GDF7: variants seen among roughly 807,000 people sequenced by gnomAD.
GDF7 encodes the protein growth differentiation factor 7, also known as growth/differentiation factor 7.
In GDF7, 12 loss-of-function variants were observed where a neutral mutation model predicts 13.4. The observed-to-expected ratio is 0.90, with a 90% CI of 0.57 to 1.45. The LOEUF (loss-of-function observed/expected upper bound fraction) is 1.45. GDF7 is among the 40% of genes most tolerant of loss of function. GDF7 has a pLI of 0.00. For missense variants in GDF7, 651 were observed against 652.4 expected (o/e 1.00, Z 0.02); for synonymous variants, 330 against 306.4 (o/e 1.08, Z -0.80).
Position 20,670,923 on chromosome 2 carries a change from T to C in GDF7, c.851T>C (p.Ile284Thr). The C allele has an allele frequency of 1.3e-6, 2 of 1,571,782 alleles. No homozygotes were observed. Among genetic ancestry groups the C allele is most frequent in the Non-Finnish European group, 8.6e-7 (1 of 1,167,704 alleles). ...TQRKESLFRE[I>T]RAQARALGAA... ...AGGAAAGAGAGCTTATTCCGGGAGA[T>C]CCGCGCCCAGGCCCGCGCGCTCGGG... is the stretch of plus-strand genomic sequence containing the variant. The change falls in exon 2 of 2, where the codon ATC becomes ACC. Residue 284 changes from isoleucine to threonine, a missense_variant. Around this residue, in one of 4 missense-constraint regions of GDF7, gnomAD observed 487 missense variants for 445.9 expected, o/e 1.09. Transcript: ENST00000272224.
In GDF7 at chr2:20,667,571, C is replaced by T. The variant is rs1695989097; in HGVS notation, c.332C>T (p.Ser111Phe). 6.6e-7 allele frequency: 1 copy of T among 1,507,034 alleles called. No homozygotes were observed. The highest frequency in any genetic ancestry group is 8.8e-7 in the Non-Finnish European group (1 of 1,134,940). The allele number at this position is 1,507,034 out of a possible 1,614,324, so 93.4% of individuals were successfully genotyped here. ...GRAPAGAAAV[S>F]ASGHGRADTI... The stretch of plus-strand genomic sequence containing the variant: ...GCTCCGGCCGGGGCAGCCGCTGTCT[C>T]CGCCTCGGGCCATGGTCGCGCGGAC... The change falls in exon 1 of 2, where the codon TCC becomes TTC. Residue 111 changes from serine to phenylalanine, a missense_variant. Ser to Phe is a radical substitution (Grantham distance 155). Transcript: ENST00000272224. This position sits in a 1 kb window ranked among gnomAD's most constrained non-coding sequence, Gnocchi z 6.4.
Position 20,670,598 on chromosome 2 carries a change from TCTC to T in GDF7, c.528_530del (p.Pro178del). On this transcript the variant is annotated inframe_deletion, in exon 2 of 2. Coordinates refer to ENST00000272224, the MANE Select transcript of GDF7 (RefSeq NM_182828.4). Reference sequence around the variant, plus strand: ...AGAGTCGGGCCCAGGCAGCTGGACTTCTCCGCCGTTGCTGCTGCTGTCCACGTG... The same window carrying T: ...AGAGTCGGGCCCAGGCAGCTGGACTTCGCCGTTGCTGCTGCTGTCCACGTG... 1.3e-6 allele frequency: 2 copies of T among 1,595,398 alleles called. No homozygotes were observed. The highest frequency in any genetic ancestry group is 8.5e-7 in the Non-Finnish European group (1 of 1,173,070).
Position 20,667,183 on chromosome 2 carries a change from G to A in GDF7, c.-57G>A. 1.8e-6 allele frequency: 2 copies of A among 1,106,766 alleles called. No individual in the cohort carries two copies. Among genetic ancestry groups the A allele is most frequent in the Non-Finnish European group, 2.2e-6 (2 of 907,872 alleles). 68.6% of individuals were successfully genotyped at this position (1,106,766 alleles called of 1,614,324 possible). On this transcript the variant is annotated 5_prime_UTR_variant, in exon 1 of 2. Coordinates refer to ENST00000272224, the MANE Select transcript of GDF7 (RefSeq NM_182828.4). This position sits in a 1 kb window ranked among gnomAD's most constrained non-coding sequence, Gnocchi z 6.4. ...TAAACACTATGTTCAAAAGGCGCCGGGGGACTTCCCGGAGCCACGGAGCCC... is the reference window on the plus strand; with the variant it reads ...TAAACACTATGTTCAAAAGGCGCCGAGGGACTTCCCGGAGCCACGGAGCCC...
rs1299598576 is a variant in GDF7 at position 20,674,128 on chromosome 2, C to T, written c.*2703C>T. On this transcript the variant is annotated 3_prime_UTR_variant, in exon 2 of 2. Transcript: ENST00000272224. ...GTTCTGCCAGCACAGTTGGTAGTAG[C>T]ACCCTGAGCTCTCTGTCTTCTAGGT... The T allele has an allele frequency of 6.6e-6, 1 of 152,220 alleles. No homozygotes were observed. Among genetic ancestry groups the T allele is most frequent in the Non-Finnish European group, 1.5e-5 (1 of 68,036 alleles). The allele number at this position is 152,220 out of a possible 1,614,324, so 9.4% of individuals were successfully genotyped here.
chr2:20,668,658 C>T lies in GDF7; in HGVS notation c.391+1028C>T, dbSNP rs540225324. Among the ~76,000 whole-genome samples the T allele has an allele frequency of 1.1e-4, 16 of 152,318 alleles. No homozygotes were observed. The East Asian group carries it at 2.5e-3, about 24-fold the overall frequency. Reference sequence around the variant, plus strand: ...TTGGGAGCCACTGACAGTCAGCATACCTCAGGTCCTAGCCTGGGAAGGCAG... The same window carrying T: ...TTGGGAGCCACTGACAGTCAGCATATCTCAGGTCCTAGCCTGGGAAGGCAG... On this transcript the variant is annotated intron_variant, in intron 1 of 1. Transcript: ENST00000272224.
rs916157735 is a variant in GDF7, at chr2:20,670,749, C to A, written c.677C>A (p.Pro226His). Residue 226 changes from proline to histidine, a missense_variant, in exon 2 of 2, where the codon CCC (proline) becomes CAC (histidine). Pro to His is a moderately conservative substitution (Grantham distance 77). Transcript: ENST00000272224. ...AMRRHRREPR[P>H]PRAFCLLLRA... Reference sequence around the variant, plus strand: ...AGGCGCCACCGTCGTGAACCGCGCCCCCCCCGCGCGTTCTGCCTCTTGCTG... The same window carrying A: ...AGGCGCCACCGTCGTGAACCGCGCCACCCCCGCGCGTTCTGCCTCTTGCTG... The A allele has an allele frequency of 1.3e-6, 2 of 1,484,378 alleles. No individual in the cohort carries two copies. The highest frequency in any genetic ancestry group is 1.8e-6 in the Non-Finnish European group (2 of 1,123,262). 92.0% of individuals were successfully genotyped at this position (1,484,378 alleles called of 1,614,324 possible). A position where few individuals can be genotyped will look rare whatever the true frequency, so the allele number is the denominator to read the frequency against.
At position 20,674,753 on chromosome 2, in the gene GDF7, G is replaced by A. The variant is rs1388629165; in HGVS notation, c.*3328G>A. 6.6e-6 allele frequency: 1 copy of A among 152,214 alleles called. No individual in the cohort carries two copies. The highest frequency in any genetic ancestry group is 1.9e-4 in the East Asian group (1 of 5,194). 9.4% of individuals were successfully genotyped at this position (152,214 alleles called of 1,614,324 possible). A position where few individuals can be genotyped will look rare whatever the true frequency, so the allele number is the denominator to read the frequency against. ...TACCCTCCTGGCAACGATATGAGGT[G>A]TGGATTGTGTGATAGAAGAATCCAG... is the stretch of plus-strand genomic sequence containing the variant. On this transcript the variant is annotated 3_prime_UTR_variant, in exon 2 of 2. Transcript: ENST00000272224.
rs777582806 is a variant in GDF7, at chr2:20,670,945, C to A, written c.873C>A (p.Leu291=). Residue 291 remains leucine, a synonymous_variant, in exon 2 of 2, where the codon CTC becomes CTA. Transcript: ENST00000272224. Reference sequence around the variant, plus strand: ...AGATCCGCGCCCAGGCCCGCGCGCTCGGGGCCGCTCTGGCCTCAGAGCCGC... The same window carrying A: ...AGATCCGCGCCCAGGCCCGCGCGCTAGGGGCCGCTCTGGCCTCAGAGCCGC... ...FREIRAQARA[L]GAALASEPLP... 2 of 1,568,604 alleles carry A rather than the reference C, an allele frequency of 1.3e-6. No individual in the cohort carries two copies. Among genetic ancestry groups the A allele is most frequent in the Non-Finnish European group, 1.7e-6 (2 of 1,165,834 alleles).
Position 20,672,826 on chromosome 2 carries a change from C to T in GDF7, c.*1401C>T, listed in dbSNP as rs531235201. The T allele has an allele frequency of 1.3e-5, 2 of 152,326 alleles. No individual in the cohort carries two copies. Among genetic ancestry groups the T allele is most frequent in the East Asian group, 3.9e-4 (2 of 5,176 alleles). The allele number at this position is 152,326 out of a possible 1,614,324, so 9.4% of individuals were successfully genotyped here. On this transcript the variant is annotated 3_prime_UTR_variant, in exon 2 of 2. Transcript: ENST00000272224. ...CTTATTGATGGGAGGATTTTCTAGG[C>T]ATGTAAAAGTGAGTTCGAACATTCA...
intron 1 of GDF7, among the ~76,000 whole-genome samples, chr2:20,669,751 T>A (rs1386027170): frequency 6.6e-6 from 1 of 152,218 alleles, no homozygotes; most frequent in African/African-American, 2.4e-5. Context: ...ACCTGAGACC[T>A]TGGGCGAGCC....
In GDF7 at chr2:20,670,946, G is replaced by A. The variant is rs199521456; in HGVS notation, c.874G>A (p.Gly292Arg). 1.9e-6 allele frequency: 3 copies of A among 1,568,978 alleles called. No individual in the cohort carries two copies. Among genetic ancestry groups the A allele is most frequent in the African/African-American group, 1.4e-5 (1 of 72,064 alleles). The change falls in exon 2 of 2, where the codon GGG becomes AGG. Residue 292 changes from glycine to arginine, a missense_variant. Coordinates refer to ENST00000272224, the MANE Select transcript of GDF7 (RefSeq NM_182828.4). ...REIRAQARAL[G>R]AALASEPLPD... is the part of the protein sequence containing the mutation. ...GATCCGCGCCCAGGCCCGCGCGCTC[G>A]GGGCCGCTCTGGCCTCAGAGCCGCT...
chr2:20,671,496 G>C lies in GDF7; in HGVS notation c.*71G>C. On this transcript the variant is annotated 3_prime_UTR_variant, in exon 2 of 2. Coordinates refer to ENST00000272224, the MANE Select transcript of GDF7 (RefSeq NM_182828.4). ...CTGATGAGCAGCAGCGGGCCACCCT[G>C]TCACCGAGCGTGGGTGCATGTCCGA... 1 of 1,499,692 alleles carries C rather than the reference G, an allele frequency of 6.7e-7. No individual in the cohort carries two copies. Among genetic ancestry groups the C allele is most frequent in the Non-Finnish European group, 9.0e-7 (1 of 1,109,500 alleles). 92.9% of individuals were successfully genotyped at this position (1,499,692 alleles called of 1,614,324 possible). A position where few individuals can be genotyped will look rare whatever the true frequency, so the allele number is the denominator to read the frequency against.
In GDF7 at chr2:20,671,074, CG is replaced by C; in HGVS notation, c.1007del (p.Gly336AlafsTer132). ...GGACGCGGACAGCGCAGGGCAGCGGCGGGGGCGCGGGCCGGGGCCACGGGCG... is the reference window on the plus strand; with the variant it reads ...GGACGCGGACAGCGCAGGGCAGCGGCGGGGCGCGGGCCGGGGCCACGGGCG... ...AGTRTAQGSG[G>X]GAGRGHGRRG... On this transcript the variant is annotated frameshift_variant, in exon 2 of 2. Coordinates refer to ENST00000272224, the MANE Select transcript of GDF7 (RefSeq NM_182828.4). LOFTEE classifies it low-confidence loss of function (END_TRUNC). 6.7e-7 allele frequency: 1 copy of C among 1,495,608 alleles called. No individual in the cohort carries two copies. Among genetic ancestry groups the C allele is most frequent in the Non-Finnish European group, 8.9e-7 (1 of 1,124,800 alleles). The allele number at this position is 1,495,608 out of a possible 1,614,324, so 92.6% of individuals were successfully genotyped here. A position where few individuals can be genotyped will look rare whatever the true frequency, so the allele number is the denominator to read the frequency against.
In GDF7 at chr2:20,667,389, G is replaced by GGCGGCGGA; in HGVS notation, c.150_151insGCGGCGGA (p.Arg51AlafsTer45). ...GCGGCGGCGGCGGCGGCGGCGGCGG[G>GGCGGCGGA]CGGACTCTTGCCCAGGCTGCGGGCG... On this transcript the variant is annotated frameshift_variant, in exon 1 of 2. Transcript: ENST00000272224. LOFTEE classifies it high-confidence loss of function. The surrounding 1 kb of genome is among the most constrained non-coding windows in gnomAD (Gnocchi z 6.4). The GGCGGCGGA allele has an allele frequency of 5.2e-5, 3 of 57,598 alleles. No individual in the cohort carries two copies. Among genetic ancestry groups the GGCGGCGGA allele is most frequent in the Non-Finnish European group, 7.9e-5 (3 of 37,760 alleles). 3.6% of individuals were successfully genotyped at this position (57,598 alleles called of 1,614,324 possible).
rs1309471549 is a variant in GDF7 at position 20,675,682 on chromosome 2, A to T, written c.*4257A>T. On this transcript the variant is annotated 3_prime_UTR_variant, in exon 2 of 2. Transcript: ENST00000272224. ...CTCAAAACCCACTCAGATAGCTTGA[A>T]GGCAGAGCAAATGTGATGGCTCCTG... 6.6e-6 allele frequency: 1 copy of T among 152,268 alleles called. No individual in the cohort carries two copies. The highest frequency in any genetic ancestry group is 1.5e-5 in the Non-Finnish European group (1 of 68,070). The allele number at this position is 152,268 out of a possible 1,614,324, so 9.4% of individuals were successfully genotyped here. A position where few individuals can be genotyped will look rare whatever the true frequency, so the allele number is the denominator to read the frequency against.
rs1397815097 is a variant in GDF7 at position 20,670,568 on chromosome 2, T to A, written c.496T>A (p.Ser166Thr). 1 of 1,606,206 alleles carries A rather than the reference T, an allele frequency of 6.2e-7. No homozygotes were observed. The highest frequency in any genetic ancestry group is 1.1e-5 in the South Asian group (1 of 89,452). Residue 166 changes from serine (S) to threonine (T), a missense_variant, in exon 2 of 2, where the codon TCT (serine) becomes ACT (threonine). By Grantham distance (58) the Ser-to-Thr change is moderately conservative. Transcript: ENST00000272224. The part of the protein sequence containing the change: ...GAELRVLRRG[S>T]PESGPGSWTS... Reference sequence around the variant, plus strand: ...CGAGCTGCGCGTGCTGCGCCGGGGATCTCCAGAGTCGGGCCCAGGCAGCTG... The same window carrying A: ...CGAGCTGCGCGTGCTGCGCCGGGGAACTCCAGAGTCGGGCCCAGGCAGCTG...
Position 20,674,466 on chromosome 2 carries a change from C to T in GDF7, c.*3041C>T, listed in dbSNP as rs2279330. 65,987 of 152,096 alleles carry T rather than the reference C, an allele frequency of 0.43. 14,576 individuals are homozygous for T. Among genetic ancestry groups the T allele is most frequent in the Admixed American group, 0.54 (8,223 of 15,284 alleles). 9.4% of individuals were successfully genotyped at this position (152,096 alleles called of 1,614,324 possible). A position where few individuals can be genotyped will look rare whatever the true frequency, so the allele number is the denominator to read the frequency against. ...TCGGGACAGGCCAGCTGGGGCCCAA[C>T]GGGGGCTGGTGCTGGGTCTGTCAAA... On this transcript the variant is annotated 3_prime_UTR_variant, in exon 2 of 2. Transcript: ENST00000272224.
At chr2:20,670,317 G>A (rs1168588455) in intron 1 of GDF7, 147 bp from the exon 2 acceptor site, 2 of 858,388 alleles carry the variant, frequency 2.3e-6, no homozygotes, top group African/African-American at 3.6e-5. Flanking sequence ...CTGGGGCAGA[G>A]ACGCGGAGTC....
chr2:20,669,626 G>C (rs1226502257), intron 1 of GDF7, among the ~76,000 whole-genome samples: 2 of 152,148 alleles, frequency 1.3e-5, no homozygotes, highest in African/African-American at 2.4e-5. Context: ...GCACCCCTCC[G>C]GGAGGTTCCT....
Sources: allele counts gnomAD v4.1 joint callset (sites outside exome capture counted in the v4.1 genomes callset), GRCh38; gene constraint gnomAD v4.1.1; regional missense constraint gnomAD v4.1.1; non-coding constraint Gnocchi (gnomAD v3.1); transcripts MANE v1.5; gene names NCBI Gene and HGNC (gene_info 2026-07-23, HGNC 2026-07-21).